RGS3: variants seen among roughly 807,000 people sequenced by gnomAD.
RGS3 encodes the protein regulator of G protein signaling 3.
In RGS3, 80 loss-of-function variants were observed where a neutral mutation model predicts 132.6. The ratio of observed to expected loss-of-function variants is 0.60; its 90% CI spans 0.50 to 0.73. RGS3 has a LOEUF of 0.73. RGS3 is among the 30% of genes least tolerant of loss of function. RGS3 has a pLI of 0.00. For missense variants in RGS3, 1,382 were observed against 1,530.8 expected (o/e 0.90, Z 1.62); for synonymous variants, 598 against 620.6 (o/e 0.96, Z 0.54).
chr9:113,569,160 G>C (rs906740605), intron 19 of RGS3, among the ~76,000 whole-genome samples: 1 of 152,210 alleles, frequency 6.6e-6, no homozygotes, highest in African/African-American at 2.4e-5. Flanking sequence ...CTTAGAAAGG[G>C]GGGTGTGTAT....
In RGS3 at chr9:113,495,798, CAT is replaced by C. The variant is rs1364464416; in HGVS notation, c.703_704del (p.Ile235TrpfsTer58). 1.2e-6 allele frequency: 2 copies of C among 1,614,032 alleles called. No individual in the cohort carries two copies. The highest frequency in any genetic ancestry group is 1.7e-6 in the Non-Finnish European group (2 of 1,179,998). ...CTTGTTCTCCCAGACAGAGTGGACT[CAT>C]TGGCTGCATGAGCTTTGGGGTGAAG... On this transcript the variant is annotated frameshift_variant, in exon 8 of 25. Transcript: ENST00000350696. LOFTEE classifies it high-confidence loss of function.
chr9:113,491,520 A>G (rs12347382), intron 7 of RGS3, among the ~76,000 whole-genome samples: 27,752 of 148,302 alleles, frequency 0.19, 2,646 homozygotes, highest in African/African-American at 0.21. Context: ...CAAAGTGCTG[A>G]CATTACAGCC....
At chr9:113,479,323 C>T (rs958408606) in intron 3 of RGS3, 168 bp from the exon 2 acceptor site, 30 of 699,194 alleles carry the variant, frequency 4.3e-5, no homozygotes, top group Middle Eastern at 2.7e-4. Flanking sequence ...ATGTGGTGGG[C>T]GGGGCTGAAC....
At chr9:113,514,371 A>C in intron 14 of RGS3, 87 bp from the exon 13 acceptor site, 1 of 1,189,898 alleles carries the variant, frequency 8.4e-7, no homozygotes, top group Non-Finnish European at 1.2e-6. Context: ...TGTTGACGGA[A>C]TGAGTCCGTG....
At position 113,596,673 on chromosome 9, in the gene RGS3, G is replaced by A. The variant is rs184580625; in HGVS notation, c.3412-95G>A. ...TTAAGATGTGGGGCAAAGGGGCTTGGAGGTGAGAGGCTGGATGGGTCCCTT... is the reference window on the plus strand; with the variant it reads ...TTAAGATGTGGGGCAAAGGGGCTTGAAGGTGAGAGGCTGGATGGGTCCCTT... On this transcript the variant is annotated intron_variant, in intron 24 of 24. Coordinates refer to ENST00000350696, the Ensembl canonical transcript of RGS3. The A allele has an allele frequency of 9.2e-5, 96 of 1,046,518 alleles. No homozygotes were observed. In the African/African-American group the frequency reaches 1.4e-3, roughly 15 times the overall value. 64.8% of individuals were successfully genotyped at this position (1,046,518 alleles called of 1,614,324 possible).
chr9:113,541,460 A>T (rs375736626), intron 19 of RGS3: 18 of 1,607,878 alleles, frequency 1.1e-5, no homozygotes, highest in Non-Finnish European at 1.4e-5. Context: ...GCTTCTGGCA[A>T]CTTAACCCTT....
intron 7 of RGS3, among the ~76,000 whole-genome samples, chr9:113,490,075 GCT>G (rs1312844935): frequency 1.3e-5 from 2 of 152,256 alleles, no homozygotes; most frequent in East Asian, 3.9e-4. Flanking sequence ...GTAGATTTTG[GCT>G]TAGCTTTGAC....
intron 7 of RGS3, among the ~76,000 whole-genome samples, chr9:113,491,157 A>AG (rs1830507673): frequency 6.9e-6 from 1 of 144,990 alleles, no homozygotes; most frequent in South Asian, 2.1e-4. Flanking sequence ...TTTATATATT[A>AG]TATATATTCT....
In RGS3 at chr9:113,591,423, T is replaced by C. The variant is rs369808494; in HGVS notation, c.3080+26T>C. 1.2e-6 allele frequency: 2 copies of C among 1,602,288 alleles called. No homozygotes were observed. The highest frequency in any genetic ancestry group is 2.7e-5 in the African/African-American group (2 of 74,690). On this transcript the variant is annotated intron_variant, in intron 21 of 24. Coordinates refer to ENST00000350696, the Ensembl canonical transcript of RGS3. This position sits in a 1 kb window ranked among gnomAD's most constrained non-coding sequence, Gnocchi z 4.4. ...GTACGTTGGGAAGATCCCTGGCTTC[T>C]GCGCTCCTCTTCCTCCCTTGCCCCA...
chr9:113,497,947 G>A (rs766062286), intron 9 of RGS3, 78 bp from the exon 8 acceptor site: 38 of 1,466,638 alleles, frequency 2.6e-5, no homozygotes, highest in Non-Finnish European at 3.5e-5. Flanking sequence ...GTTTCCCAGT[G>A]CTGTCCTCTG....
At chr9:113,465,396 C>CT (rs1269569833) in intron 3 of RGS3, among the ~76,000 whole-genome samples, 1 of 151,226 alleles carries the variant, frequency 6.6e-6, no homozygotes, top group Admixed American at 6.6e-5. Flanking sequence ...CCACTGTTAA[C>CT]TTTCTGATTT....
intron 19 of RGS3, among the ~76,000 whole-genome samples, chr9:113,540,363 G>T (rs1323237888): frequency 1.3e-5 from 2 of 152,208 alleles, no homozygotes; most frequent in African/African-American, 2.4e-5. Flanking sequence ...GCCAGATACT[G>T]GTTTAGATCC....
At chr9:113,500,002 G>A (rs1830816912) in intron 10 of RGS3, among the ~76,000 whole-genome samples, 2 of 152,140 alleles carry the variant, frequency 1.3e-5, no homozygotes, top group East Asian at 1.9e-4. Flanking sequence ...GTGATCAGGG[G>A]GCCTCCCTCG....
intron 19 of RGS3, among the ~76,000 whole-genome samples, chr9:113,578,319 A>G (rs1305770003): frequency 6.6e-6 from 1 of 152,172 alleles, no homozygotes; most frequent in Non-Finnish European, 1.5e-5. Context: ...AGCTCTGGAT[A>G]CTCATTAGCT....
chr9:113,479,835 A>T (rs1159420693), intron 4 of RGS3, among the ~76,000 whole-genome samples: 1 of 152,190 alleles, frequency 6.6e-6, no homozygotes. Flanking sequence ...GCAGGGCCAC[A>T]GAAGAGTTTT....
rs144323814 is a variant in RGS3 at position 113,559,107 on chromosome 9, G to T, written c.2037+22189G>T. ...GGGCTCAAGCCCAACAGTCCAAACAGTGGGTGGACCCAGGGGAGTGTGTGG... is the reference window on the plus strand; with the variant it reads ...GGGCTCAAGCCCAACAGTCCAAACATTGGGTGGACCCAGGGGAGTGTGTGG... On this transcript the variant is annotated intron_variant, in intron 19 of 24. Transcript: ENST00000350696. Among the ~76,000 whole-genome samples the T allele has an allele frequency of 3.3e-4, 50 of 152,376 alleles. 1 individual carries two copies. In the East Asian group the frequency reaches 9.4e-3, roughly 29 times the overall value.
chr9:113,454,154 C>A (rs563483820), intron 1 of RGS3, among the ~76,000 whole-genome samples: 4 of 152,110 alleles, frequency 2.6e-5, no homozygotes, highest in Non-Finnish European at 4.4e-5. Flanking sequence ...TATTGATTTT[C>A]TCCTTATTAT....
chr9:113,594,598 G>C, intron 22 of RGS3, 67 bp downstream of exon 20: 2 of 1,341,302 alleles, frequency 1.5e-6, no homozygotes, highest in Non-Finnish European at 2.1e-6. Flanking sequence ...GTAGGACTGA[G>C]TGGTAGGGTT....
In RGS3 at chr9:113,495,781, C is replaced by T. The variant is rs763978089; in HGVS notation, c.690-5C>T. The T allele has an allele frequency of 3.7e-6, 6 of 1,613,780 alleles. No homozygotes were observed. The highest frequency in any genetic ancestry group is 1.7e-5 in the Admixed American group (1 of 60,012). On this transcript the variant is annotated splice_polypyrimidine_tract_variant and splice_region_variant and intron_variant, in intron 7 of 24. Coordinates refer to ENST00000350696, the Ensembl canonical transcript of RGS3. ...TGCTGACTCAAGTCTCACTTGTTCT[C>T]CCAGACAGAGTGGACTCATTGGCTG...
Sources: allele counts gnomAD v4.1 joint callset (sites outside exome capture counted in the v4.1 genomes callset), GRCh38; gene constraint gnomAD v4.1.1; non-coding constraint Gnocchi (gnomAD v3.1); transcripts MANE v1.5; gene names NCBI Gene and HGNC (gene_info 2026-07-23, HGNC 2026-07-21).